The following FIRRM variants were observed in gnomAD, a reference collection of about 807,000 sequenced individuals.
FIRRM encodes FIGNL1 interacting regulator of recombination and mitosis.
chr1:169,820,048 C>T, the FIRRM span, among the ~76,000 whole-genome samples: 1 of 152,204 alleles, frequency 6.6e-6, no homozygotes, highest in East Asian at 1.9e-4. Context: ...CCCCAAATTC[C>T]TGTCCTCTGG....
the FIRRM span, chr1:169,850,143 G>A: frequency 0.17 from 108,374 of 625,142 alleles, 9,946 homozygotes; most frequent in South Asian, 0.26. Flanking sequence ...TCACCTTTGA[G>A]GATCCTCTGG....
the FIRRM span, among the ~76,000 whole-genome samples, chr1:169,816,120 G>C: frequency 6.6e-6 from 1 of 152,128 alleles, no homozygotes; most frequent in Non-Finnish European, 1.5e-5. Flanking sequence ...CCTACACAGA[G>C]AACAACAGCA....
chr1:169,850,314 C>CT, the FIRRM span: 1 of 1,611,618 alleles, frequency 6.2e-7, no homozygotes, highest in Non-Finnish European at 8.5e-7. Flanking sequence ...TCTGAAGAAA[C>CT]TAAGAACAAA....
At chr1:169,852,752 G>A in the FIRRM span, 3 of 1,595,284 alleles carry the variant, frequency 1.9e-6, no homozygotes, top group African/African-American at 4.0e-5. Flanking sequence ...TTTATATTTA[G>A]AATGGATATT....
chr1:169,821,823 C>A, the FIRRM span: 2 of 1,088,116 alleles, frequency 1.8e-6, no homozygotes, highest in Non-Finnish European at 2.7e-6. Flanking sequence ...ATTATTATCC[C>A]TATTCCACAG....
chr1:169,811,725 CTAAATAGATAATAGACAGAT>C, the FIRRM span, among the ~76,000 whole-genome samples: 1 of 148,748 alleles, frequency 6.7e-6, no homozygotes, highest in Non-Finnish European at 1.5e-5. Context: ...GACAGATTAT[CTAAATAGATAATAGACAGAT>C]TATCTAAATA....
the FIRRM span, among the ~76,000 whole-genome samples, chr1:169,794,250 C>G: frequency 5.9e-5 from 9 of 152,276 alleles, no homozygotes; most frequent in East Asian, 9.6e-4. Context: ...ATATTCACCC[C>G]CTAAGCTTCC....
the FIRRM span, among the ~76,000 whole-genome samples, chr1:169,832,088 C>G: frequency 1.3e-5 from 2 of 152,132 alleles, no homozygotes; most frequent in Non-Finnish European, 2.9e-5. Context: ...AAGCTTCTGT[C>G]TTGTAGAGTT....
At chr1:169,812,279 A>G in the FIRRM span, among the ~76,000 whole-genome samples, 1 of 152,212 alleles carries the variant, frequency 6.6e-6, no homozygotes, top group Non-Finnish European at 1.5e-5. Context: ...TTTAACAAGT[A>G]TTTCCAGAGT....
the FIRRM span, chr1:169,850,370 T>A: frequency 6.7e-7 from 1 of 1,502,032 alleles, no homozygotes; most frequent in Non-Finnish European, 9.1e-7. Context: ...TGGCTCATGT[T>A]TTATTCTTTG....
At chr1:169,827,253 C>A in the FIRRM span, 1 of 1,408,702 alleles carries the variant, frequency 7.1e-7, no homozygotes, top group Non-Finnish European at 9.8e-7. Flanking sequence ...ATGTTAGAGA[C>A]ACTGATTTCC....
the FIRRM span, among the ~76,000 whole-genome samples, chr1:169,817,063 G>T: frequency 4.0e-5 from 6 of 151,836 alleles, no homozygotes; most frequent in Admixed American, 1.3e-4. Context: ...CAGCTCAAAA[G>T]AAGTTTTCTT....
chr1:169,829,518 C>A, the FIRRM span: 1 of 1,397,340 alleles, frequency 7.2e-7, no homozygotes. Flanking sequence ...AATTGTGATT[C>A]ATATACAGAA....
the FIRRM span, among the ~76,000 whole-genome samples, chr1:169,821,933 T>G: frequency 6.6e-6 from 1 of 152,160 alleles, no homozygotes; most frequent in African/African-American, 2.4e-5. Context: ...TTCTTTATCA[T>G]TTATGGTTAG....
At chr1:169,795,917 C>CA in the FIRRM span, 3 of 985,442 alleles carry the variant, frequency 3.0e-6, no homozygotes, top group Non-Finnish European at 3.6e-6. Context: ...CGTCCGGGTG[C>CA]AGCACATTCT....
the FIRRM span, among the ~76,000 whole-genome samples, chr1:169,802,019 A>T: frequency 6.6e-6 from 1 of 152,178 alleles, no homozygotes; most frequent in African/African-American, 2.4e-5. Flanking sequence ...TGTATTGTTG[A>T]CTGTGTTGCT....
At chr1:169,792,149 C>T in the FIRRM span, among the ~76,000 whole-genome samples, 11 of 152,056 alleles carry the variant, frequency 7.2e-5, no homozygotes, top group Non-Finnish European at 1.3e-4. Context: ...AAAAACAAAA[C>T]GAAACAAAAA....
the FIRRM span, chr1:169,801,003 T>C: frequency 1.8e-6 from 2 of 1,105,976 alleles, no homozygotes; most frequent in Non-Finnish European, 2.7e-6. Context: ...ATACATGTTA[T>C]AAGGAATCTA....
the FIRRM span, among the ~76,000 whole-genome samples, chr1:169,812,929 T>G: frequency 2.6e-5 from 4 of 152,222 alleles, no homozygotes; most frequent in African/African-American, 9.6e-5. Flanking sequence ...ATGGACTATT[T>G]TCAAATATTT....
Sources: gnomAD v4.1 joint callset for allele counts (sites outside exome capture counted in the v4.1 genomes callset) on GRCh38, gnomAD v4.1.1 for gene constraint, MANE v1.5 for transcripts, NCBI Gene and HGNC (gene_info 2026-07-23, HGNC 2026-07-21) for gene names.